The following CCSER1 variants were observed in gnomAD, a reference collection of about 807,000 sequenced individuals.
CCSER1 encodes the protein serine-rich coiled-coil domain-containing protein 1.
CCSER1 carries 41 observed loss-of-function variants against 82.0 expected under a neutral mutation model. The ratio of observed to expected loss-of-function variants is 0.50; its 90% CI spans 0.39 to 0.65. CCSER1 has a LOEUF of 0.65. Ranked by LOEUF, CCSER1 falls within the 30% of genes least tolerant of loss-of-function variation. CCSER1 has a pLI of 0.00. For synonymous variants in CCSER1, 414 were observed against 383.9 expected, an observed-to-expected ratio of 1.08 and a Z score of -0.92; for missense variants, 1,119 against 1,064.2, an observed-to-expected ratio of 1.05 and a Z score of -0.72.
rs77605679 is a variant in CCSER1 at position 90,189,329 on chromosome 4, A to G, written c.-42+61498A>G. On this transcript the variant is annotated intron_variant, in intron 1 of 10. Transcript: ENST00000509176. ...TGAATCCCCAACCCTAGAGAGTTCTAAATATAGAATAGATAGTCAGGTCTT... is the reference window on the plus strand; with the variant it reads ...TGAATCCCCAACCCTAGAGAGTTCTGAATATAGAATAGATAGTCAGGTCTT... Among the ~76,000 whole-genome samples, 43 of 152,010 alleles carry G rather than the reference A, an allele frequency of 2.8e-4. No individual in the cohort carries two copies. The East Asian group carries it at 7.8e-3, about 27-fold the overall frequency.
intron 10 of CCSER1, among the ~76,000 whole-genome samples, chr4:91,516,896 A>G (rs968917999): frequency 3.3e-4 from 50 of 151,924 alleles, no homozygotes; most frequent in African/African-American, 1.2e-3. Flanking sequence ...GTATTTTGTA[A>G]TTCTCATTGC....
chr4:90,275,619 CAAG>C (rs150257098), intron 1 of CCSER1, among the ~76,000 whole-genome samples: 3,173 of 152,142 alleles, frequency 0.021, 71 homozygotes, highest in African/African-American at 0.058. Context: ...GAGAGTTTAC[CAAG>C]AAGAAGGCCC....
chr4:90,191,840 C>T (rs1332635831), intron 1 of CCSER1, among the ~76,000 whole-genome samples: 1 of 151,902 alleles, frequency 6.6e-6, no homozygotes, highest in Non-Finnish European at 1.5e-5. Context: ...TAAAAAATAC[C>T]CAACAGTATG....
At chr4:91,044,867 T>C (rs1209111580) in intron 9 of CCSER1, among the ~76,000 whole-genome samples, 1 of 152,232 alleles carries the variant, frequency 6.6e-6, no homozygotes, top group Non-Finnish European at 1.5e-5. Flanking sequence ...ATTCTCCCTG[T>C]CCGAAATGCT....
At chr4:90,996,829 A>T (rs1561456146) in intron 9 of CCSER1, among the ~76,000 whole-genome samples, 1 of 152,202 alleles carries the variant, frequency 6.6e-6, no homozygotes, top group Non-Finnish European at 1.5e-5. Context: ...AGTTGATTGT[A>T]TAAATAGTGT....
intron 4 of CCSER1, among the ~76,000 whole-genome samples, chr4:90,449,826 G>C (rs1200893329): frequency 6.6e-6 from 1 of 152,198 alleles, no homozygotes; most frequent in Admixed American, 6.5e-5. Context: ...GGATGCCAGG[G>C]TCCACAGCCA....
At chr4:91,051,766 T>C (rs1743024011) in intron 9 of CCSER1, among the ~76,000 whole-genome samples, 1 of 152,190 alleles carries the variant, frequency 6.6e-6, no homozygotes, top group Non-Finnish European at 1.5e-5. Flanking sequence ...GCTTGATTCA[T>C]TCTATATCAT....
At chr4:90,187,571 A>G (rs1402073188) in intron 1 of CCSER1, among the ~76,000 whole-genome samples, 2 of 151,922 alleles carry the variant, frequency 1.3e-5, no homozygotes, top group Non-Finnish European at 2.9e-5. Context: ...TTTGAGCCAC[A>G]GCGAAGAATG....
At chr4:90,766,119 C>T (rs1352667854) in intron 7 of CCSER1, among the ~76,000 whole-genome samples, 1 of 152,048 alleles carries the variant, frequency 6.6e-6, no homozygotes, top group Non-Finnish European at 1.5e-5. Context: ...AATTTTAGAG[C>T]ATAAATTTTT....
chr4:91,115,557 C>T (rs1357682517), intron 10 of CCSER1, among the ~76,000 whole-genome samples: 1 of 150,474 alleles, frequency 6.6e-6, no homozygotes, highest in Non-Finnish European at 1.5e-5. Context: ...CAACTCCTGA[C>T]CTCGTGATCT....
chr4:91,396,918 G>A (rs1218758648), intron 10 of CCSER1, among the ~76,000 whole-genome samples: 3 of 151,930 alleles, frequency 2.0e-5, no homozygotes, highest in Non-Finnish European at 2.9e-5. Context: ...AATTGAAAAG[G>A]ACCATTGACC....
chr4:90,218,698 A>T (rs987732470), intron 1 of CCSER1, among the ~76,000 whole-genome samples: 1 of 152,108 alleles, frequency 6.6e-6, no homozygotes, highest in African/African-American at 2.4e-5. Flanking sequence ...TGTAAACATG[A>T]TACGAAAACC....
intron 10 of CCSER1, among the ~76,000 whole-genome samples, chr4:91,141,017 T>G (rs185548203): frequency 1.3e-5 from 2 of 152,290 alleles, no homozygotes; most frequent in African/African-American, 2.4e-5. Flanking sequence ...TTTATGGTCA[T>G]GTATGTCCAA....
chr4:91,184,151 A>C (rs1462683220), intron 10 of CCSER1, among the ~76,000 whole-genome samples: 2 of 152,208 alleles, frequency 1.3e-5, no homozygotes, highest in African/African-American at 4.8e-5. Flanking sequence ...GGGGCAGCAC[A>C]AAATATATCA....
intron 10 of CCSER1, among the ~76,000 whole-genome samples, chr4:91,561,556 A>G (rs1401700075): frequency 6.6e-6 from 1 of 151,508 alleles, no homozygotes; most frequent in Non-Finnish European, 1.5e-5. Flanking sequence ...GCCTTTAGCA[A>G]TACATGATAT....
intron 3 of CCSER1, among the ~76,000 whole-genome samples, chr4:90,318,668 A>G (rs771856456): frequency 1.3e-5 from 2 of 152,216 alleles, no homozygotes; most frequent in Non-Finnish European, 2.9e-5. Flanking sequence ...GTAGAATAAT[A>G]TGACTGTACC....
intron 10 of CCSER1, among the ~76,000 whole-genome samples, chr4:91,543,279 T>C (rs1429781658): frequency 6.6e-6 from 1 of 152,250 alleles, no homozygotes; most frequent in Non-Finnish European, 1.5e-5. Context: ...TGTCTTTTAA[T>C]TGGAGCATTT....
intron 3 of CCSER1, among the ~76,000 whole-genome samples, chr4:90,352,691 T>TACAC (rs375028931): frequency 3.8e-4 from 58 of 150,738 alleles, no homozygotes; most frequent in African/African-American, 2.0e-4. Flanking sequence ...TATGTATATA[T>TACAC]ACACACACAC....
intron 7 of CCSER1, among the ~76,000 whole-genome samples, chr4:90,786,211 G>C (rs896589812): frequency 6.6e-6 from 1 of 152,202 alleles, no homozygotes; most frequent in African/African-American, 2.4e-5. Flanking sequence ...CAACTGAAGT[G>C]ATTCAAGGAA....
Sources: gnomAD v4.1 joint callset for allele counts (sites outside exome capture counted in the v4.1 genomes callset) on GRCh38, gnomAD v4.1.1 for gene constraint, MANE v1.5 for transcripts, NCBI Gene and HGNC (gene_info 2026-07-23, HGNC 2026-07-21) for gene names.